MAP6: variants seen among roughly 807,000 people sequenced by gnomAD.
The protein encoded by MAP6 is microtubule associated protein 6.
In MAP6, 26 loss-of-function variants were observed where a neutral mutation model predicts 42.4. The observed-to-expected ratio is 0.61, with a 90% CI of 0.45 to 0.85. The LOEUF (loss-of-function observed/expected upper bound fraction) is 0.85, where lower values mean the gene tolerates loss of function less well. Among genes scored for constraint, MAP6 ranks in the 40% least tolerant of loss-of-function variants. MAP6 has a pLI of 0.00. For synonymous variants in MAP6, 418 were observed against 443.8 expected (o/e 0.94, Z 0.73); for missense variants, 966 against 1,099.0 (o/e 0.88, Z 1.71).
At chr11:75,633,597 T>C (rs939999380) in intron 1 of MAP6, among the ~76,000 whole-genome samples, 6 of 152,046 alleles carry the variant, frequency 3.9e-5, no homozygotes, top group African/African-American at 1.4e-4. Flanking sequence ...ACAAGAATAA[T>C]AAAGGTGACA....
At chr11:75,631,226 C>T (rs1244648196) in intron 1 of MAP6, among the ~76,000 whole-genome samples, 1 of 152,040 alleles carries the variant, frequency 6.6e-6, no homozygotes, top group Non-Finnish European at 1.5e-5. Flanking sequence ...GGTCACTCTC[C>T]CACAGTCTCC....
intron 2 of MAP6, chr11:75,607,360 A>T (rs1423769801): frequency 1.0e-6 from 1 of 985,352 alleles, no homozygotes; most frequent in Non-Finnish European, 1.2e-6. Context: ...GGATATTTGT[A>T]CAATTCCATG....
chr11:75,586,952 A>C lies in MAP6; in HGVS notation c.*107T>G. 1 of 1,233,662 alleles carries C rather than the reference A, an allele frequency of 8.1e-7. No homozygotes were observed. Among genetic ancestry groups the C allele is most frequent in the Non-Finnish European group, 1.1e-6 (1 of 886,820 alleles). 76.4% of individuals were successfully genotyped at this position (1,233,662 alleles called of 1,614,324 possible). A position where few individuals can be genotyped will look rare whatever the true frequency, so the allele number is the denominator to read the frequency against. ...GGGACCATTTTTATTAGATTCCAGCAAGACTACTGTACATGTTTCATGCAG... is the reference window on the plus strand; with the variant it reads ...GGGACCATTTTTATTAGATTCCAGCCAGACTACTGTACATGTTTCATGCAG... On this transcript the variant is annotated 3_prime_UTR_variant, in exon 4 of 4. Coordinates refer to ENST00000304771, the MANE Select transcript of MAP6 (RefSeq NM_033063.2).
At chr11:75,638,755 A>C (rs1293427711) in intron 1 of MAP6, among the ~76,000 whole-genome samples, 1 of 152,226 alleles carries the variant, frequency 6.6e-6, no homozygotes, top group Non-Finnish European at 1.5e-5. Context: ...GAGATTTCTC[A>C]AATAACTAAA....
Position 75,605,794 on chromosome 11 carries a change from G to T in MAP6, c.1316+14C>A, listed in dbSNP as rs1261003785. On this transcript the variant is annotated intron_variant, in intron 3 of 3. Transcript: ENST00000304771. ...AGAGAGAGAAGAGTAAAAGGAAAGT[G>T]CAGGGAAATTTACTCTTTCGCCTCA... 1.9e-6 allele frequency: 3 copies of T among 1,613,702 alleles called. No homozygotes were observed. Among genetic ancestry groups the T allele is most frequent in the Non-Finnish European group, 8.5e-7 (1 of 1,179,688 alleles).
chr11:75,602,900 G>A, intron 3 of MAP6: 1 of 983,206 alleles, frequency 1.0e-6, no homozygotes, highest in African/African-American at 1.7e-5. Context: ...TGGAAAAACT[G>A]TTTGTTTGTT....
At chr11:75,651,531 A>T (rs918709293) in intron 1 of MAP6, among the ~76,000 whole-genome samples, 6 of 147,742 alleles carry the variant, frequency 4.1e-5, no homozygotes, top group African/African-American at 5.1e-5. Context: ...TCCATTTTTT[A>T]AAAAATTCCA....
chr11:75,653,693 C>T (rs1943689775), intron 1 of MAP6, among the ~76,000 whole-genome samples: 1 of 152,166 alleles, frequency 6.6e-6, no homozygotes, highest in Non-Finnish European at 1.5e-5. Flanking sequence ...CCAGGCCTCT[C>T]CAAATAATTC....
intron 1 of MAP6, among the ~76,000 whole-genome samples, chr11:75,636,356 T>A (rs1056698801): frequency 6.6e-6 from 1 of 151,930 alleles, no homozygotes; most frequent in Non-Finnish European, 1.5e-5. Context: ...CTTGAAATAA[T>A]CTCTTCCTCT....
chr11:75,616,626 G>C (rs891784130), intron 1 of MAP6, among the ~76,000 whole-genome samples: 1 of 152,202 alleles, frequency 6.6e-6, no homozygotes, highest in African/African-American at 2.4e-5. Flanking sequence ...GGGGCCTAGA[G>C]GGTTGCAAGT....
chr11:75,605,563 C>A (rs1265354735), intron 3 of MAP6: 49 of 1,292,928 alleles, frequency 3.8e-5, no homozygotes, highest in Middle Eastern at 3.0e-4. Flanking sequence ...GAGGGCACAG[C>A]CAGCGGCAAC....
At chr11:75,630,808 T>A (rs12275991) in intron 1 of MAP6, among the ~76,000 whole-genome samples, 2,564 of 152,348 alleles carry the variant, frequency 0.017, 75 homozygotes, top group African/African-American at 0.059. Flanking sequence ...TAAAAGGTAA[T>A]GATTCAAGTG....
At chr11:75,589,142 T>C (rs1194988882) in intron 3 of MAP6, among the ~76,000 whole-genome samples, 1 of 152,210 alleles carries the variant, frequency 6.6e-6, no homozygotes, top group Non-Finnish European at 1.5e-5. Flanking sequence ...TCCTGAGACC[T>C]TTGCCCTCAC....
At chr11:75,666,720 T>C (rs1191142558) in intron 1 of MAP6, among the ~76,000 whole-genome samples, 3 of 152,224 alleles carry the variant, frequency 2.0e-5, no homozygotes. Flanking sequence ...ATGTTGAATA[T>C]TTAATATTAA....
chr11:75,657,424 T>C (rs993223172), intron 1 of MAP6, among the ~76,000 whole-genome samples: 1 of 152,200 alleles, frequency 6.6e-6, no homozygotes, highest in South Asian at 2.1e-4. Flanking sequence ...GGAGACACTT[T>C]TGATTGCCAC....
chr11:75,646,683 C>A (rs1307180029), intron 1 of MAP6, among the ~76,000 whole-genome samples: 1 of 151,828 alleles, frequency 6.6e-6, no homozygotes, highest in Non-Finnish European at 1.5e-5. Flanking sequence ...GCCTGTAATC[C>A]CAGCTAATCG....
intron 2 of MAP6, chr11:75,607,759 T>G: frequency 2.7e-6 from 2 of 742,862 alleles, no homozygotes; most frequent in Non-Finnish European, 1.6e-6. Flanking sequence ...GGCCAGCCCT[T>G]CTGGGGCCCA....
In MAP6 at chr11:75,667,857, G is replaced by T; in HGVS notation, c.513C>A (p.His171Gln). ...RAWPLPRRGD[H>Q]PWIPKPVQIS... ...TCTGCACGGGCTTGGGGATCCACGG[G>T]TGGTCCCCGCGGCGCGGCAGCGGCC... Residue 171 changes from histidine to glutamine, a missense_variant, in exon 1 of 4, where the codon CAC becomes CAA. Around this residue, in one of 2 missense-constraint regions of MAP6, gnomAD observed 943 missense variants for 1,049.9 expected, o/e 0.90. Transcript: ENST00000304771. The surrounding 1 kb of genome is among the most constrained non-coding windows in gnomAD (Gnocchi z 5.6). The T allele has an allele frequency of 6.9e-7, 1 of 1,440,974 alleles. No individual in the cohort carries two copies. Among genetic ancestry groups the T allele is most frequent in the South Asian group, 1.4e-5 (1 of 71,222 alleles). The allele number at this position is 1,440,974 out of a possible 1,614,324, so 89.3% of individuals were successfully genotyped here. A position where few individuals can be genotyped will look rare whatever the true frequency, so the allele number is the denominator to read the frequency against.
intron 1 of MAP6, among the ~76,000 whole-genome samples, chr11:75,659,502 A>AGCAT (rs1943807488): frequency 6.6e-6 from 1 of 152,246 alleles, no homozygotes. Flanking sequence ...GGGAAGTAAC[A>AGCAT]GCATGGTTCC....
Sources: allele counts gnomAD v4.1 joint callset (sites outside exome capture counted in the v4.1 genomes callset), GRCh38; gene constraint gnomAD v4.1.1; regional missense constraint gnomAD v4.1.1; non-coding constraint Gnocchi (gnomAD v3.1); transcripts MANE v1.5; gene names NCBI Gene and HGNC (gene_info 2026-07-23, HGNC 2026-07-21).